ANK2: variants seen among roughly 807,000 people sequenced by gnomAD.
ANK2 encodes ankyrin 2.
Under a neutral mutation model 360.5 loss-of-function variants are expected in ANK2, and 83 were observed. That is an observed-to-expected ratio of 0.23 (90% CI 0.19 to 0.28). The LOEUF (loss-of-function observed/expected upper bound fraction) is 0.28. Among genes scored for constraint, ANK2 ranks in the 10% least tolerant of loss-of-function variants. The pLI, the probability that ANK2 is intolerant of heterozygous loss-of-function variation, is 1.00. For synonymous variants in ANK2, 1,740 were observed against 1,759.5 expected (o/e 0.99, Z 0.28); for missense variants, 4,201 against 4,795.7 (o/e 0.88, Z 3.66).
rs77468290 is a variant in ANK2 at position 113,072,953 on chromosome 4, C to CTTTTTTTTTT, written c.84+23158_84+23167dup. On this transcript the variant is annotated intron_variant, in intron 1 of 45. Transcript: ENST00000357077. Reference sequence around the variant, plus strand: ...CTCGACTCTGTCACAAGGACAGTGTCTTTTTTTTTTTTTTTTTTTTTTTTT... The same window carrying CTTTTTTTTTT: ...CTCGACTCTGTCACAAGGACAGTGTCTTTTTTTTTTTTTTTTTTTTTTTTTTTTTTTTTTT... Among the ~76,000 whole-genome samples the CTTTTTTTTTT allele has an allele frequency of 3.4e-5, 2 of 59,408 alleles. 1 individual carries two copies. The highest frequency in any genetic ancestry group is 6.0e-5 in the Non-Finnish European group (2 of 33,248). The allele number at this position is 59,408 out of a possible 152,430, so 39.0% of individuals were successfully genotyped here.
chr4:113,331,444 C>G (rs894002896), intron 27 of ANK2, among the ~76,000 whole-genome samples: 2 of 152,184 alleles, frequency 1.3e-5, no homozygotes, highest in South Asian at 2.1e-4. Context: ...CTTCTCATGT[C>G]CTCCAGTCAG....
the ANK2 span, among the ~76,000 whole-genome samples, chr4:112,784,504 C>T: frequency 1.3e-5 from 2 of 151,938 alleles, no homozygotes; most frequent in African/African-American, 4.8e-5. Flanking sequence ...CCACCACTCC[C>T]GGCTAATTTT....
intron 1 of ANK2, among the ~76,000 whole-genome samples, chr4:112,898,844 G>A (rs970110931): frequency 6.6e-6 from 1 of 152,160 alleles, no homozygotes; most frequent in Non-Finnish European, 1.5e-5. Context: ...GGAGATAAAA[G>A]GGGAGGAAGC....
At chr4:112,740,711 G>GA in the ANK2 span, among the ~76,000 whole-genome samples, 5 of 149,236 alleles carry the variant, frequency 3.4e-5, no homozygotes, top group African/African-American at 4.9e-5. Context: ...CAAAAAAGAA[G>GA]AAAAAAAAAA....
At chr4:112,896,967 G>A (rs2081950139) in intron 1 of ANK2, among the ~76,000 whole-genome samples, 1 of 152,136 alleles carries the variant, frequency 6.6e-6, no homozygotes, top group Admixed American at 6.6e-5. Context: ...CTGTATGAAA[G>A]GGGACGATAA....
chr4:113,312,766 G>GT (rs1178661501), intron 24 of ANK2, among the ~76,000 whole-genome samples: 1 of 152,198 alleles, frequency 6.6e-6, no homozygotes, highest in Admixed American at 6.5e-5. Context: ...TTGCTGGAGT[G>GT]TAAGTGTGGA....
At chr4:112,710,286 T>C in the ANK2 span, among the ~76,000 whole-genome samples, 91 of 152,318 alleles carry the variant, frequency 6.0e-4, no homozygotes, top group African/African-American at 2.1e-3. Flanking sequence ...AAAGAACTCC[T>C]CTGTTACTCC....
intron 1 of ANK2, among the ~76,000 whole-genome samples, chr4:113,173,250 A>G (rs1294648862): frequency 6.6e-6 from 1 of 152,192 alleles, no homozygotes; most frequent in Non-Finnish European, 1.5e-5. Flanking sequence ...TCCATATTTG[A>G]AACTCCCAGA....
chr4:113,184,749 T>G (rs983441443), intron 2 of ANK2, among the ~76,000 whole-genome samples: 2 of 152,150 alleles, frequency 1.3e-5, no homozygotes, highest in Non-Finnish European at 2.9e-5. Flanking sequence ...GTGATACATG[T>G]GCAGAACGTG....
At chr4:112,730,655 AAAAG>A in the ANK2 span, among the ~76,000 whole-genome samples, 8 of 150,312 alleles carry the variant, frequency 5.3e-5, no homozygotes, top group East Asian at 1.9e-4. Flanking sequence ...AAAAAAAAAA[AAAAG>A]AAAGAAAACA....
chr4:113,125,521 CA>C (rs1006007332), intron 1 of ANK2, among the ~76,000 whole-genome samples: 21 of 152,060 alleles, frequency 1.4e-4, no homozygotes, highest in African/African-American at 5.1e-4. Context: ...TCCATAAAAA[CA>C]AATTCAGGAG....
the ANK2 span, among the ~76,000 whole-genome samples, chr4:112,713,949 A>C: frequency 1.3e-5 from 2 of 152,136 alleles, no homozygotes; most frequent in East Asian, 3.9e-4. Context: ...AAAAAACAAA[A>C]AAAAAAACTG....
chr4:113,240,764 C>A (rs1326753700), intron 8 of ANK2, among the ~76,000 whole-genome samples, 181 bp downstream of exon 8: 2 of 152,086 alleles, frequency 1.3e-5, no homozygotes, highest in African/African-American at 4.8e-5. Context: ...TTGGCTTAAG[C>A]AGAAAATAAG....
the ANK2 span, among the ~76,000 whole-genome samples, chr4:112,747,810 A>T: frequency 2.0e-5 from 3 of 152,190 alleles, no homozygotes; most frequent in Admixed American, 2.0e-4. Context: ...AGGGTTGGAA[A>T]GGAGAAATAT....
the ANK2 span, among the ~76,000 whole-genome samples, chr4:112,740,751 C>T: frequency 1.3e-5 from 2 of 151,746 alleles, no homozygotes; most frequent in African/African-American, 2.4e-5. Flanking sequence ...CAGTGGCTTA[C>T]GTCCGTAATC....
At chr4:112,746,134 A>G in the ANK2 span, among the ~76,000 whole-genome samples, 4 of 152,162 alleles carry the variant, frequency 2.6e-5, no homozygotes, top group Non-Finnish European at 5.9e-5. Context: ...ACAGGATTAC[A>G]TATATTTAGG....
At chr4:113,306,569 T>C (rs1002991381) in intron 23 of ANK2, among the ~76,000 whole-genome samples, 1 of 152,304 alleles carries the variant, frequency 6.6e-6, no homozygotes, top group East Asian at 1.9e-4. Flanking sequence ...GAGAAGAACC[T>C]GGAAGGAAGC....
chr4:112,749,903 G>A, the ANK2 span, among the ~76,000 whole-genome samples: 101 of 151,952 alleles, frequency 6.6e-4, no homozygotes, highest in Non-Finnish European at 1.1e-3. Flanking sequence ...CCACCACCAC[G>A]CCCAGCTAAT....
chr4:112,747,224 C>T, the ANK2 span, among the ~76,000 whole-genome samples: 1 of 152,168 alleles, frequency 6.6e-6, no homozygotes, highest in Admixed American at 6.5e-5. Context: ...TGAAACCAGG[C>T]AAATCAAAGG....
Sources: allele counts gnomAD v4.1 joint callset (sites outside exome capture counted in the v4.1 genomes callset), GRCh38; gene constraint gnomAD v4.1.1; transcripts MANE v1.5; gene names NCBI Gene and HGNC (gene_info 2026-07-23, HGNC 2026-07-21).